ARMC9: variants seen among roughly 807,000 people sequenced by gnomAD.
The protein encoded by ARMC9 is lisH domain-containing protein ARMC9.
ARMC9 carries 94 observed loss-of-function variants against 107.0 expected under a neutral mutation model. The observed-to-expected ratio is 0.88, with a 90% CI of 0.74 to 1.04. The LOEUF (loss-of-function observed/expected upper bound fraction) is 1.04, where lower values mean the gene tolerates loss of function less well. Ranked by LOEUF, ARMC9 falls within the 50% of genes least tolerant of loss-of-function variation. The pLI is 0.00. For synonymous variants in ARMC9, 380 were observed against 396.9 expected, an observed-to-expected ratio of 0.96 and a Z score of 0.51; for missense variants, 942 against 1,030.1, an observed-to-expected ratio of 0.91 and a Z score of 1.17.
chr2:231,253,234 C>G (rs1442519029), intron 9 of ARMC9, among the ~76,000 whole-genome samples: 1 of 152,088 alleles, frequency 6.6e-6, no homozygotes, highest in African/African-American at 2.4e-5. Flanking sequence ...CTGCCTCAGC[C>G]TCCTGAGTAG....
intron 19 of ARMC9, among the ~76,000 whole-genome samples, chr2:231,319,942 A>G (rs948361166): frequency 1.3e-5 from 2 of 152,050 alleles, no homozygotes; most frequent in Non-Finnish European, 2.9e-5. Context: ...ATTAACCACT[A>G]TCTTGAAGTT....
chr2:231,241,289 G>A (rs2036277652), intron 9 of ARMC9, among the ~76,000 whole-genome samples: 1 of 152,038 alleles, frequency 6.6e-6, no homozygotes, highest in Non-Finnish European at 1.5e-5. Flanking sequence ...GAATCACCTA[G>A]GCCAAATACG....
rs1447655563 is a variant in ARMC9, at chr2:231,345,056, G to A, written c.1960G>A (p.Val654Ile). The A allele has an allele frequency of 2.5e-5, 41 of 1,613,576 alleles. No individual in the cohort carries two copies. The highest frequency in any genetic ancestry group is 1.6e-4 in the Middle Eastern group (1 of 6,076). ...WSGDEPLQRP[V>I]TPGGHRNGYP... ...CGGGGATGAGCCCCTGCAAAGGCCC[G>A]TCACCCCCGGCGGCCACAGAAACGG... Residue 654 changes from valine (V) to isoleucine (I), a missense_variant, in exon 21 of 25, where the codon GTC becomes ATC. Physicochemically the swap from Val to Ile is conservative, Grantham distance 29. Coordinates refer to ENST00000611582, the MANE Select transcript of ARMC9 (RefSeq NM_001352754.2).
At chr2:231,238,613 A>G (rs2035992652) in intron 8 of ARMC9, among the ~76,000 whole-genome samples, 1 of 152,246 alleles carries the variant, frequency 6.6e-6, no homozygotes, top group Admixed American at 6.5e-5. Flanking sequence ...TCAGTCTCCC[A>G]AAGTGCTGGG....
intron 9 of ARMC9, among the ~76,000 whole-genome samples, chr2:231,252,026 G>A (rs2037343765): frequency 2.0e-5 from 3 of 152,168 alleles, no homozygotes; most frequent in South Asian, 4.1e-4. Context: ...TTGTAATAAT[G>A]TTTATCAGAC....
chr2:231,204,197 A>T (rs1009964918), intron 1 of ARMC9, among the ~76,000 whole-genome samples: 6 of 128,040 alleles, frequency 4.7e-5, no homozygotes, highest in Non-Finnish European at 9.7e-5. Context: ...AAAAAAAAAA[A>T]GGACATCAGT....
In ARMC9 at chr2:231,297,868, G is replaced by A. The variant is rs1483456968; in HGVS notation, c.1773+1615G>A. On this transcript the variant is annotated intron_variant, in intron 19 of 24. Transcript: ENST00000611582. The surrounding 1 kb of genome is among the most constrained non-coding windows in gnomAD (Gnocchi z 4.2). Reference sequence around the variant, plus strand: ...TTCATTGTGTCCTAAAGTTTGTCTCGAGATCTGTTTTCTTCCCTTCTTGTA... The same window carrying A: ...TTCATTGTGTCCTAAAGTTTGTCTCAAGATCTGTTTTCTTCCCTTCTTGTA... Among the ~76,000 whole-genome samples, 3 of 151,916 alleles carry A rather than the reference G, an allele frequency of 2.0e-5. No homozygotes were observed. The highest frequency in any genetic ancestry group is 6.6e-5 in the Admixed American group (1 of 15,262).
intron 23 of ARMC9, among the ~76,000 whole-genome samples, chr2:231,363,196 A>T (rs1391806082): frequency 6.6e-6 from 1 of 152,234 alleles, no homozygotes; most frequent in Non-Finnish European, 1.5e-5. Flanking sequence ...CACCTGGCCT[A>T]GGTGGTTAGA....
intron 7 of ARMC9, among the ~76,000 whole-genome samples, chr2:231,231,695 T>A (rs556430397): frequency 0.019 from 1,494 of 79,484 alleles, 23 homozygotes; most frequent in African/African-American, 0.072. Flanking sequence ...GAAAAAAAAA[T>A]TTTTTTTTTT....
At chr2:231,332,581 G>A (rs1243199462) in intron 20 of ARMC9, among the ~76,000 whole-genome samples, 2 of 152,310 alleles carry the variant, frequency 1.3e-5, no homozygotes, top group East Asian at 3.9e-4. Flanking sequence ...TGCTCAGCCA[G>A]CTCCAGAACC....
intron 7 of ARMC9, among the ~76,000 whole-genome samples, chr2:231,228,819 T>C (rs924946601): frequency 6.6e-6 from 1 of 152,020 alleles, no homozygotes. Flanking sequence ...CCCCAGGCAA[T>C]GGGGGCAGGA....
chr2:231,350,175 G>A (rs550494250), intron 21 of ARMC9, among the ~76,000 whole-genome samples: 6 of 151,882 alleles, frequency 4.0e-5, no homozygotes, highest in East Asian at 1.9e-4. Flanking sequence ...ACAGGCACCC[G>A]CCACCACACC....
chr2:231,324,120 G>A (rs923978611), intron 19 of ARMC9, among the ~76,000 whole-genome samples: 56 of 123,212 alleles, frequency 4.5e-4, no homozygotes, highest in Admixed American at 1.3e-3. Flanking sequence ...TAATTGTAAA[G>A]TACTTTTTTT....
intron 8 of ARMC9, among the ~76,000 whole-genome samples, chr2:231,237,753 GTATA>G (rs1226959333): frequency 0.025 from 603 of 24,404 alleles, 11 homozygotes; most frequent in South Asian, 0.035. Flanking sequence ...TTGGCTATAT[GTATA>G]TATATATATA....
At chr2:231,209,102 A>G (rs561094948) in intron 3 of ARMC9, among the ~76,000 whole-genome samples, 5 of 152,214 alleles carry the variant, frequency 3.3e-5, no homozygotes, top group African/African-American at 9.6e-5. Flanking sequence ...GGGTTTCACT[A>G]CATTGGCCAG....
intron 19 of ARMC9, among the ~76,000 whole-genome samples, chr2:231,317,983 A>C (rs895203355): frequency 2.0e-5 from 3 of 151,556 alleles, no homozygotes; most frequent in African/African-American, 7.3e-5. Flanking sequence ...TACTAAATCT[A>C]ACATCTGGGC....
intron 23 of ARMC9, among the ~76,000 whole-genome samples, chr2:231,361,162 A>G (rs2045561441): frequency 6.6e-6 from 1 of 152,186 alleles, no homozygotes; most frequent in African/African-American, 2.4e-5. Context: ...TGCCAGGCGG[A>G]CTTGTCCAGG....
intron 19 of ARMC9, among the ~76,000 whole-genome samples, chr2:231,328,883 CG>C (rs1217683030): frequency 6.8e-6 from 1 of 146,410 alleles, no homozygotes; most frequent in East Asian, 2.0e-4. Flanking sequence ...GGGACAATCT[CG>C]GCTCACTGCA....
chr2:231,323,882 G>A (rs1352909526), intron 19 of ARMC9, among the ~76,000 whole-genome samples: 3 of 152,258 alleles, frequency 2.0e-5, no homozygotes, highest in Middle Eastern at 3.4e-3. Context: ...AATAACAATA[G>A]CGTTTGCCTG....
Sources: allele counts gnomAD v4.1 joint callset (sites outside exome capture counted in the v4.1 genomes callset), GRCh38; gene constraint gnomAD v4.1.1; non-coding constraint Gnocchi (gnomAD v3.1); transcripts MANE v1.5; gene names NCBI Gene and HGNC (gene_info 2026-07-23, HGNC 2026-07-21).